ASAP1: variants seen among roughly 807,000 people sequenced by gnomAD.
ASAP1 encodes ArfGAP with SH3 domain, ankyrin repeat and PH domain 1.
A neutral mutation model predicts 145.2 loss-of-function variants in ASAP1; 43 were observed. The observed-to-expected ratio is 0.30, with a 90% confidence interval of 0.23 to 0.38. The LOEUF (loss-of-function observed/expected upper bound fraction) is 0.38, where lower values mean the gene tolerates loss of function less well. ASAP1 is among the 10% of genes least tolerant of loss of function. The pLI is 1.00. For missense variants in ASAP1, 1,018 were observed against 1,355.3 expected (o/e 0.75, Z 3.91); for synonymous variants, 546 against 515.5 (o/e 1.06, Z -0.80).
chr8:130,373,796 G>C (rs547292545), intron 2 of ASAP1, among the ~76,000 whole-genome samples: 17 of 144,894 alleles, frequency 1.2e-4, no homozygotes, highest in Admixed American at 7.0e-5. Context: ...GCAGTGAGCC[G>C]AGATCGTGCC....
rs1203610711 is a variant in ASAP1, at chr8:130,093,540, G to A, written c.2402-1397C>T. Among the ~76,000 whole-genome samples the A allele has an allele frequency of 3.3e-5, 5 of 151,980 alleles. No individual in the cohort carries two copies. In the East Asian group the frequency reaches 5.8e-4, roughly 18 times the overall value. On this transcript the variant is annotated intron_variant, in intron 24 of 29. Transcript: ENST00000518721. Reference sequence around the variant, plus strand: ...AAATTAGCCAGGTGTGGCGGTGCACGCCTGTAGTCCCAGCTGCTCGGGAGG... The same window carrying A: ...AAATTAGCCAGGTGTGGCGGTGCACACCTGTAGTCCCAGCTGCTCGGGAGG...
chr8:130,262,416 A>AAAAAAAAAAAAGAGAGAGAG (rs1819974520), intron 3 of ASAP1, among the ~76,000 whole-genome samples: 1 of 57,850 alleles, frequency 1.7e-5, no homozygotes, highest in African/African-American at 6.8e-5. Flanking sequence ...AAAAAAAAAA[A>AAAAAAAAAAAAGAGAGAGAG]AGAGAGAGAG....
intron 3 of ASAP1, among the ~76,000 whole-genome samples, chr8:130,238,460 C>T (rs975332986): frequency 1.3e-5 from 2 of 152,094 alleles, no homozygotes; most frequent in African/African-American, 2.4e-5. Flanking sequence ...AGTCTGAGTA[C>T]ACGAGACAAC....
At chr8:130,113,405 G>T (rs2097549746) in intron 23 of ASAP1, among the ~76,000 whole-genome samples, 1 of 152,184 alleles carries the variant, frequency 6.6e-6, no homozygotes, top group Admixed American at 6.5e-5. Flanking sequence ...CATCTCCAAT[G>T]TCCTTGAGAA....
At chr8:130,185,743 AAAAAAG>A (rs1554841935) in intron 7 of ASAP1, among the ~76,000 whole-genome samples, 2 of 150,854 alleles carry the variant, frequency 1.3e-5, no homozygotes, top group Admixed American at 6.6e-5. Flanking sequence ...AAAAAAAAAA[AAAAAAG>A]AAAAAGAAAA....
At chr8:130,247,667 C>T (rs1356311265) in intron 3 of ASAP1, among the ~76,000 whole-genome samples, 2 of 152,188 alleles carry the variant, frequency 1.3e-5, no homozygotes, top group African/African-American at 4.8e-5. Context: ...AAGGAGTCAA[C>T]TTGCAGGTCA....
chr8:130,378,885 C>T (rs566037936), intron 2 of ASAP1, among the ~76,000 whole-genome samples: 1 of 152,160 alleles, frequency 6.6e-6, no homozygotes, highest in Non-Finnish European at 1.5e-5. Flanking sequence ...CAGTCACAGG[C>T]CTTTCCACAT....
At position 130,112,150 on chromosome 8, in the gene ASAP1, G is replaced by A. The variant is rs748252412; in HGVS notation, c.2345C>T (p.Ser782Leu). Residue 782 changes from serine to leucine, a missense_variant, in exon 24 of 30, where the codon TCG becomes TTG. This residue lies in a region of ASAP1 where 353 missense variants were observed against 375.4 expected (regional missense o/e 0.94). Transcript: ENST00000518721. ...AGCCTCCGTGGTTGGTGATGTGGGC[G>A]AGTCTGTGCTTGTGGAAACGAAGAT... is the stretch of plus-strand genomic sequence containing the variant. ...NQIFVSTSTDSPTSPTTEAPP... is the reference protein window; with the variant it reads ...NQIFVSTSTDLPTSPTTEAPP... 4.3e-6 allele frequency: 7 copies of A among 1,614,042 alleles called. No individual in the cohort carries two copies. The highest frequency in any genetic ancestry group is 1.7e-5 in the Admixed American group (1 of 60,002).
chr8:130,432,721 A>G (rs1830179597), intron 1 of ASAP1, among the ~76,000 whole-genome samples: 1 of 152,114 alleles, frequency 6.6e-6, no homozygotes, highest in South Asian at 2.1e-4. Flanking sequence ...CCACAAAAGA[A>G]GAGGGGCTTT....
At chr8:130,294,610 C>G (rs1176437629) in intron 3 of ASAP1, among the ~76,000 whole-genome samples, 1 of 152,228 alleles carries the variant, frequency 6.6e-6, no homozygotes, top group Non-Finnish European at 1.5e-5. Context: ...GTCCAACACA[C>G]AGTGGACTTA....
At chr8:130,336,239 G>T (rs1367047106) in intron 3 of ASAP1, among the ~76,000 whole-genome samples, 1 of 152,210 alleles carries the variant, frequency 6.6e-6, no homozygotes, top group East Asian at 1.9e-4. Flanking sequence ...CACAGTGGGG[G>T]AGAAGAAGGC....
chr8:130,225,194 T>C (rs530819227), intron 4 of ASAP1, among the ~76,000 whole-genome samples: 1 of 152,358 alleles, frequency 6.6e-6, no homozygotes, highest in South Asian at 2.1e-4. Context: ...TTTTATAATA[T>C]GTGTTGCAAA....
chr8:130,130,139 C>T (rs943741216), intron 15 of ASAP1, among the ~76,000 whole-genome samples: 1 of 152,184 alleles, frequency 6.6e-6, no homozygotes, highest in Admixed American at 6.5e-5. Flanking sequence ...ATAGATTGAA[C>T]ACCCCAAATT....
At chr8:130,088,515 G>A (rs1418806480) in intron 25 of ASAP1, among the ~76,000 whole-genome samples, 5 of 152,142 alleles carry the variant, frequency 3.3e-5, no homozygotes, top group African/African-American at 1.2e-4. Context: ...TGACCATGAA[G>A]GCAGAGGCTG....
At chr8:130,188,723 CAAAAAAAAAAA>C (rs370580190) in intron 5 of ASAP1, among the ~76,000 whole-genome samples, 20 of 83,846 alleles carry the variant, frequency 2.4e-4, no homozygotes, top group Non-Finnish European at 3.8e-4. Flanking sequence ...GAGACTCTCT[CAAAAAAAAAAA>C]AAAAAAAAAA....
chr8:130,230,285 C>T (rs1817835912), intron 4 of ASAP1, among the ~76,000 whole-genome samples: 1 of 152,162 alleles, frequency 6.6e-6, no homozygotes, highest in African/African-American at 2.4e-5. Context: ...AGTGCATACA[C>T]AGGCTCATAC....
At chr8:130,291,434 T>C (rs924328959) in intron 3 of ASAP1, among the ~76,000 whole-genome samples, 1 of 152,198 alleles carries the variant, frequency 6.6e-6, no homozygotes, top group Non-Finnish European at 1.5e-5. Context: ...AAAGGTCTGC[T>C]GAAAGTCATC....
At chr8:130,072,364 A>G in intron 27 of ASAP1, among the ~76,000 whole-genome samples, 1 of 152,122 alleles carries the variant, frequency 6.6e-6, no homozygotes, top group Non-Finnish European at 1.5e-5. Context: ...TTCTCATGGT[A>G]GTGAATAAGT....
intron 5 of ASAP1, among the ~76,000 whole-genome samples, chr8:130,199,872 GGAGA>G (rs1304819971): frequency 6.6e-6 from 1 of 152,178 alleles, no homozygotes; most frequent in Non-Finnish European, 1.5e-5. Flanking sequence ...TGGTAAAGCC[GGAGA>G]GTTAGAAAAG....
Sources: allele counts gnomAD v4.1 joint callset (sites outside exome capture counted in the v4.1 genomes callset), GRCh38; gene constraint gnomAD v4.1.1; regional missense constraint gnomAD v4.1.1; transcripts MANE v1.5; gene names NCBI Gene and HGNC (gene_info 2026-07-23, HGNC 2026-07-21).